UNC13B: variants seen among roughly 807,000 people sequenced by gnomAD.
UNC13B encodes protein unc-13 homolog B.
In UNC13B, 144 loss-of-function variants were observed where a neutral mutation model predicts 211.0. That is an observed-to-expected ratio of 0.68 (90% CI 0.60 to 0.78). The LOEUF is 0.78. UNC13B is among the 30% of genes least tolerant of loss of function. The pLI is 0.00. For synonymous variants in UNC13B, 709 were observed against 725.8 expected (o/e 0.98, Z 0.37); for missense variants, 1,777 against 2,002.0 (o/e 0.89, Z 2.14).
intron 11 of UNC13B, among the ~76,000 whole-genome samples, chr9:35,363,222 T>C (rs1833546578): frequency 6.6e-6 from 1 of 152,190 alleles, no homozygotes; most frequent in African/African-American, 2.4e-5. Context: ...ATTGATTTGA[T>C]TTTAATCTTT....
rs747534939 is a variant in UNC13B at position 35,403,206 on chromosome 9, A to G, written c.12524A>G (p.Gln4175Arg). 4 of 1,613,986 alleles carry G rather than the reference A, an allele frequency of 2.5e-6. No homozygotes were observed. The highest frequency in any genetic ancestry group is 3.3e-5 in the Admixed American group (2 of 59,998). Reference sequence around the variant, plus strand: ...GATCCTGTGGGAGAAGTCTCTATTCAGGTGGACTTGTTTACACACCCTGGT... The same window carrying G: ...GATCCTGTGGGAGAAGTCTCTATTCGGGTGGACTTGTTTACACACCCTGGT... ...VDDPVGEVSI[Q>R]VDLFTHPGTG... The change falls in exon 38 of 40, where the codon CAG (glutamine) becomes CGG (arginine). Residue 4175 changes from glutamine (Q) to arginine (R), a missense_variant. Transcript: ENST00000635942.
At chr9:35,265,362 G>T (rs1827507646) in intron 7 of UNC13B, among the ~76,000 whole-genome samples, 1 of 152,198 alleles carries the variant, frequency 6.6e-6, no homozygotes, top group Admixed American at 6.5e-5. Context: ...ACAGCAAAAA[G>T]GTGACCATCT....
chr9:35,181,495 T>A (rs1821936403), intron 1 of UNC13B, among the ~76,000 whole-genome samples: 1 of 152,202 alleles, frequency 6.6e-6, no homozygotes, highest in Admixed American at 6.5e-5. Context: ...CGGTACTAAT[T>A]ATAGGCATGA....
chr9:35,384,399 T>G (rs1421364265), intron 22 of UNC13B, 85 bp downstream of exon 22: 1 of 1,535,348 alleles, frequency 6.5e-7, no homozygotes, highest in Non-Finnish European at 8.8e-7. Flanking sequence ...GCTATAAAGA[T>G]TGAGGCCAGG....
At chr9:35,194,681 T>A (rs1293844695) in intron 1 of UNC13B, among the ~76,000 whole-genome samples, 1 of 152,148 alleles carries the variant, frequency 6.6e-6, no homozygotes, top group African/African-American at 2.4e-5. Context: ...AGCCCCAAAA[T>A]GAAAGGACAG....
chr9:35,367,058 C>A, intron 12 of UNC13B, 65 bp downstream of exon 12: 2 of 1,505,996 alleles, frequency 1.3e-6, no homozygotes, highest in Non-Finnish European at 1.8e-6. Context: ...TTTAGCTTTT[C>A]CCCTGGGAAG....
At chr9:35,247,026 T>C (rs988865135) in intron 6 of UNC13B, among the ~76,000 whole-genome samples, 35 of 152,210 alleles carry the variant, frequency 2.3e-4, no homozygotes, top group African/African-American at 8.2e-4. Context: ...TTTTTTATTT[T>C]GTTGAGCAGT....
chr9:35,259,324 T>C (rs112891863), intron 7 of UNC13B, among the ~76,000 whole-genome samples: 207 of 152,282 alleles, frequency 1.4e-3, no homozygotes, highest in African/African-American at 4.7e-3. Flanking sequence ...ACCCCCTCTA[T>C]CCCTGTTTAC....
chr9:35,168,255 A>T (rs1202976345), intron 1 of UNC13B, among the ~76,000 whole-genome samples: 1 of 151,948 alleles, frequency 6.6e-6, no homozygotes, highest in Non-Finnish European at 1.5e-5. Flanking sequence ...TCCAACTTTT[A>T]AGTTCAAGGG....
At chr9:35,341,616 T>G (rs1832000413) in intron 11 of UNC13B, among the ~76,000 whole-genome samples, 1 of 149,826 alleles carries the variant, frequency 6.7e-6, no homozygotes, top group African/African-American at 2.5e-5. Flanking sequence ...GTGAGAGAGG[T>G]GGATAGGGGA....
intron 1 of UNC13B, among the ~76,000 whole-genome samples, chr9:35,208,113 G>A (rs1288593745): frequency 6.6e-6 from 1 of 152,184 alleles, no homozygotes; most frequent in African/African-American, 2.4e-5. Flanking sequence ...GTGGATAAAA[G>A]AGCGTGTTAC....
intron 16 of UNC13B, 35 bp from the exon 17 acceptor site, chr9:35,378,260 G>T: frequency 6.2e-7 from 1 of 1,612,582 alleles, no homozygotes; most frequent in South Asian, 1.1e-5. Flanking sequence ...GCTTCTGAAC[G>T]ACTCTGAAGC....
chr9:35,307,114 T>G lies in UNC13B; in HGVS notation c.7710T>G (p.Thr2570=). ...SESTLSDCRM[T]VVSAKPESDI... is the part of the protein sequence containing the mutation. Reference sequence around the variant, plus strand: ...CTACTCTCAGTGACTGTAGAATGACTGTGGTTAGTGCAAAGCCAGAATCAG... The same window carrying G: ...CTACTCTCAGTGACTGTAGAATGACGGTGGTTAGTGCAAAGCCAGAATCAG... The change falls in exon 9 of 40, where the codon ACT becomes ACG. Residue 2570 remains threonine, a synonymous_variant. Transcript: ENST00000635942. 1 of 399,086 alleles carries G rather than the reference T, an allele frequency of 2.5e-6. No individual in the cohort carries two copies. Among genetic ancestry groups the G allele is most frequent in the Non-Finnish European group, 4.4e-6 (1 of 226,072 alleles). The allele number at this position is 399,086 out of a possible 1,614,324, so 24.7% of individuals were successfully genotyped here.
chr9:35,363,523 AC>A (rs1833569492), intron 11 of UNC13B, among the ~76,000 whole-genome samples: 1 of 152,174 alleles, frequency 6.6e-6, no homozygotes, highest in Non-Finnish European at 1.5e-5. Context: ...CTAGTCCAGG[AC>A]AGGTGACCCA....
intron 11 of UNC13B, among the ~76,000 whole-genome samples, chr9:35,325,622 A>G (rs1301419809): frequency 6.6e-6 from 1 of 152,216 alleles, no homozygotes; most frequent in Non-Finnish European, 1.5e-5. Flanking sequence ...CTTAAAGTAT[A>G]CAATTAAGTG....
intron 11 of UNC13B, chr9:35,353,140 C>T (rs1832825711): frequency 4.1e-6 from 5 of 1,232,042 alleles, no homozygotes; most frequent in South Asian, 4.1e-5. Context: ...CTTTCAGTGA[C>T]ATGGTTCATA....
intron 10 of UNC13B, 131 bp from the exon 11 acceptor site, chr9:35,313,768 C>T (rs1383438020): frequency 1.5e-6 from 1 of 672,750 alleles, no homozygotes; most frequent in Non-Finnish European, 2.7e-6. Flanking sequence ...GTTTTAGTAG[C>T]CTGAATCACT....
Position 35,382,371 on chromosome 9 carries a change from T to C in UNC13B, c.10670T>C (p.Leu3557Ser), listed in dbSNP as rs1834906578. The C allele has an allele frequency of 6.2e-7, 1 of 1,612,298 alleles. No homozygotes were observed. The highest frequency in any genetic ancestry group is 1.3e-5 in the African/African-American group (1 of 74,790). ...IYQAMTHFAC[L>S]SSKYMCPGVP... Reference sequence around the variant, plus strand: ...GTGTTTTTCAGGCACTTTGCATGTTTATCATCCAAGTACATGTGTCCTGGT... The same window carrying C: ...GTGTTTTTCAGGCACTTTGCATGTTCATCATCCAAGTACATGTGTCCTGGT... The change falls in exon 21 of 40, where the codon TTA becomes TCA. Residue 3557 changes from leucine (L) to serine (S), a missense_variant. Transcript: ENST00000635942.
At chr9:35,177,521 A>G (rs1821703788) in intron 1 of UNC13B, among the ~76,000 whole-genome samples, 1 of 152,260 alleles carries the variant, frequency 6.6e-6, no homozygotes, top group Non-Finnish European at 1.5e-5. Context: ...ATGTACCTTC[A>G]TAAAGTTGAT....
Sources: gnomAD v4.1 joint callset for allele counts (sites outside exome capture counted in the v4.1 genomes callset) on GRCh38, gnomAD v4.1.1 for gene constraint, MANE v1.5 for transcripts, NCBI Gene and HGNC (gene_info 2026-07-23, HGNC 2026-07-21) for gene names.